The following TMEM178B variants were observed in gnomAD, a reference collection of about 807,000 sequenced individuals.
TMEM178B encodes transmembrane protein 178B.
TMEM178B carries 5 observed loss-of-function variants against 31.0 expected under a neutral mutation model. The observed-to-expected ratio is 0.16, with a 90% CI of 0.08 to 0.34. The LOEUF is 0.34. Among genes scored for constraint, TMEM178B ranks in the 10% least tolerant of loss-of-function variants. The probability of loss-of-function intolerance (pLI) is 1.00; values close to 1 mark genes in which losing one functional copy is unlikely to be tolerated. For missense variants in TMEM178B, 275 were observed against 400.3 expected, an observed-to-expected ratio of 0.69 and a Z score of 2.67; for synonymous variants, 164 against 164.0, an observed-to-expected ratio of 1.00 and a Z score of 0.00.
chr7:141,510,684 T>TAAA, the TMEM178B span, among the ~76,000 whole-genome samples: 1 of 3,490 alleles, frequency 2.9e-4, no homozygotes, highest in South Asian at 4.1e-3. Context: ...AAACTCCGTC[T>TAAA]CAAAAAAAAA....
chr7:141,331,512 C>T (rs192280870), intron 2 of TMEM178B, among the ~76,000 whole-genome samples: 6 of 152,016 alleles, frequency 3.9e-5, no homozygotes, highest in Non-Finnish European at 8.8e-5. Flanking sequence ...GAATTAGCAG[C>T]ATGAAGTGCA....
chr7:141,124,801 AC>A (rs1795463173), intron 1 of TMEM178B, among the ~76,000 whole-genome samples: 2 of 152,230 alleles, frequency 1.3e-5, no homozygotes, highest in African/African-American at 4.8e-5. Flanking sequence ...TTCTAAAAAA[AC>A]ATACACTGTG....
At chr7:141,374,685 G>T (rs1800180238) in intron 2 of TMEM178B, among the ~76,000 whole-genome samples, 1 of 152,180 alleles carries the variant, frequency 6.6e-6, no homozygotes, top group African/African-American at 2.4e-5. Context: ...GCATTCATGG[G>T]ACTTCCTTTC....
chr7:141,507,087 T>C, the TMEM178B span, among the ~76,000 whole-genome samples: 1 of 152,328 alleles, frequency 6.6e-6, no homozygotes, highest in African/African-American at 2.4e-5. Flanking sequence ...ACAGCCTCCC[T>C]CCCAGCTGCT....
intron 2 of TMEM178B, among the ~76,000 whole-genome samples, chr7:141,393,207 A>G (rs1800577584): frequency 1.3e-5 from 2 of 152,136 alleles, no homozygotes; most frequent in Admixed American, 1.3e-4. Context: ...TTTCTTCTCC[A>G]GGGCAGCTCT....
At chr7:141,465,466 C>G (rs953274700) in intron 3 of TMEM178B, among the ~76,000 whole-genome samples, 6 of 152,186 alleles carry the variant, frequency 3.9e-5, no homozygotes, top group African/African-American at 1.4e-4. Flanking sequence ...GTTCATCACA[C>G]TAGACAGAAA....
At chr7:141,460,941 G>C (rs59360974) in intron 3 of TMEM178B, among the ~76,000 whole-genome samples, 1,572 of 152,304 alleles carry the variant, frequency 0.01, 26 homozygotes, top group African/African-American at 0.036. Context: ...TGACCTGCCT[G>C]TTGAGTGCTG....
At chr7:141,088,656 T>C (rs1794827949) in intron 1 of TMEM178B, among the ~76,000 whole-genome samples, 1 of 152,184 alleles carries the variant, frequency 6.6e-6, no homozygotes, top group South Asian at 2.1e-4. Flanking sequence ...TTCATCTTTT[T>C]CCTCCAGACT....
At chr7:141,377,054 G>A (rs1005129697) in intron 2 of TMEM178B, among the ~76,000 whole-genome samples, 3 of 152,010 alleles carry the variant, frequency 2.0e-5, no homozygotes, top group African/African-American at 7.2e-5. Context: ...CCCTAAGATT[G>A]TAACAGCTGA....
At chr7:141,125,704 G>C (rs1405115530) in intron 1 of TMEM178B, among the ~76,000 whole-genome samples, 1 of 146,190 alleles carries the variant, frequency 6.8e-6, no homozygotes. Flanking sequence ...AAAAGAAAAA[G>C]AAAAAGAAAA....
At chr7:141,246,617 G>C (rs182142525) in intron 2 of TMEM178B, among the ~76,000 whole-genome samples, 139 of 152,326 alleles carry the variant, frequency 9.1e-4, no homozygotes, top group Middle Eastern at 6.8e-3. Context: ...TCAAGAACTG[G>C]ATCATGTAGA....
intron 2 of TMEM178B, among the ~76,000 whole-genome samples, chr7:141,404,034 G>C (rs1035318497): frequency 6.6e-6 from 1 of 152,242 alleles, no homozygotes; most frequent in African/African-American, 2.4e-5. Context: ...TGCCGGGCAT[G>C]GTGGCTCGTG....
chr7:141,327,047 G>A (rs1799204131), intron 2 of TMEM178B, among the ~76,000 whole-genome samples: 1 of 152,102 alleles, frequency 6.6e-6, no homozygotes, highest in African/African-American at 2.4e-5. Flanking sequence ...ATGTCTCCCC[G>A]AGCCCTATTT....
intron 2 of TMEM178B, among the ~76,000 whole-genome samples, chr7:141,224,816 C>T (rs3886636): frequency 0.019 from 2,964 of 152,218 alleles, 95 homozygotes; most frequent in African/African-American, 0.068. Flanking sequence ...GGAGAGCTCT[C>T]GTCCTAGAGC....
intron 1 of TMEM178B, among the ~76,000 whole-genome samples, chr7:141,119,030 G>A (rs1024522272): frequency 6.6e-6 from 1 of 152,170 alleles, no homozygotes; most frequent in Non-Finnish European, 1.5e-5. Context: ...GTATTAGTTT[G>A]AGTTCTCCCA....
intron 2 of TMEM178B, among the ~76,000 whole-genome samples, chr7:141,334,403 G>A (rs182503437): frequency 9.8e-5 from 15 of 152,298 alleles, no homozygotes; most frequent in African/African-American, 3.6e-4. Flanking sequence ...CTGGTACTAC[G>A]TTTGTCTCAT....
intron 1 of TMEM178B, among the ~76,000 whole-genome samples, chr7:141,208,288 T>G (rs1317512299): frequency 1.3e-5 from 2 of 152,168 alleles, no homozygotes; most frequent in Non-Finnish European, 2.9e-5. Flanking sequence ...CTCCCCCACC[T>G]GAGGCTTCTA....
chr7:141,320,944 G>A (rs888877347), intron 2 of TMEM178B, among the ~76,000 whole-genome samples: 3 of 152,136 alleles, frequency 2.0e-5, no homozygotes, highest in African/African-American at 7.2e-5. Context: ...CCTTTCAGGT[G>A]GGTGGAACCT....
At chr7:141,226,442 A>G (rs899688578) in intron 2 of TMEM178B, among the ~76,000 whole-genome samples, 2 of 152,076 alleles carry the variant, frequency 1.3e-5, no homozygotes, top group African/African-American at 4.8e-5. Flanking sequence ...AGATCTTTTC[A>G]TTTTCAGGAA....
Sources: gnomAD v4.1 joint callset for allele counts (sites outside exome capture counted in the v4.1 genomes callset) on GRCh38, gnomAD v4.1.1 for gene constraint, MANE v1.5 for transcripts, NCBI Gene and HGNC (gene_info 2026-07-23, HGNC 2026-07-21) for gene names.